The following ADAMTS8 variants were observed in gnomAD, a reference collection of about 807,000 sequenced individuals.
ADAMTS8 encodes A disintegrin and metalloproteinase with thrombospondin motifs 8.
ADAMTS8 carries 50 observed loss-of-function variants against 64.4 expected under a neutral mutation model. That is an observed-to-expected ratio of 0.78 (90% CI 0.62 to 0.98). The LOEUF is 0.98. ADAMTS8 is among the 50% of genes least tolerant of loss of function. The pLI, the probability that ADAMTS8 is intolerant of heterozygous loss-of-function variation, is 0.00. For missense variants in ADAMTS8, 1,192 were observed against 1,208.2 expected, an observed-to-expected ratio of 0.99 and a Z score of 0.20; for synonymous variants, 556 against 533.6, an observed-to-expected ratio of 1.04 and a Z score of -0.58.
intron 1 of ADAMTS8, among the ~76,000 whole-genome samples, chr11:130,425,748 C>T (rs906668266): frequency 1.3e-5 from 2 of 152,028 alleles, no homozygotes; most frequent in African/African-American, 4.8e-5. Flanking sequence ...CTACAGGCGC[C>T]CACCACCACG....
chr11:130,414,441 G>A (rs1053818598), intron 5 of ADAMTS8, 90 bp downstream of exon 5: 3 of 1,436,084 alleles, frequency 2.1e-6, no homozygotes, highest in Non-Finnish European at 2.8e-6. Flanking sequence ...TCTCAAGTGT[G>A]GTTTCCTTCT....
In ADAMTS8 at chr11:130,405,773, T is replaced by C; in HGVS notation, c.2455A>G (p.Ser819Gly). 6.2e-7 allele frequency: 1 copy of C among 1,614,170 alleles called. No homozygotes were observed. The highest frequency in any genetic ancestry group is 8.5e-7 in the Non-Finnish European group (1 of 1,180,042). The stretch of plus-strand genomic sequence containing the variant: ...ATGTTGGTGGTTGCTCTCTCTTTGC[T>C]GCTCTGCATGCTAAAGTCCACGTCA... The part of the protein sequence containing the change: ...PNDVDFSMQS[S>G]KERATTNIIQ... Residue 819 changes from serine to glycine, a missense_variant, in exon 9 of 9, where the codon AGC becomes GGC. Ser to Gly is a moderately conservative substitution (Grantham distance 56). Coordinates refer to ENST00000257359, the MANE Select transcript of ADAMTS8 (RefSeq NM_007037.6).
At chr11:130,427,451 CTTTTT>C (rs36087476) in intron 1 of ADAMTS8, 111 bp downstream of exon 1, 5,779 of 432,710 alleles carry the variant, frequency 0.013, no homozygotes, top group Middle Eastern at 0.025. Context: ...GTGGGGAGGG[CTTTTT>C]TTTTTTTTTT....
At position 130,416,077 on chromosome 11, in the gene ADAMTS8, G is replaced by A; in HGVS notation, c.1264+86C>T. 1 of 1,428,434 alleles carries A rather than the reference G, an allele frequency of 7.0e-7. No homozygotes were observed. Among genetic ancestry groups the A allele is most frequent in the Non-Finnish European group, 9.3e-7 (1 of 1,078,422 alleles). 88.5% of individuals were successfully genotyped at this position (1,428,434 alleles called of 1,614,324 possible). On this transcript the variant is annotated intron_variant, in intron 4 of 8. Coordinates refer to ENST00000257359, the MANE Select transcript of ADAMTS8 (RefSeq NM_007037.6). The surrounding 1 kb of genome is among the most constrained non-coding windows in gnomAD (Gnocchi z 4.8). ...GGACTCAGCTCTAAGGGCCCTGTGA[G>A]GAGGCACAGCTGGAGGGGGTCTCTG... is the stretch of plus-strand genomic sequence containing the variant.
chr11:130,425,103 A>C (rs1232606634), intron 1 of ADAMTS8, among the ~76,000 whole-genome samples: 1 of 151,790 alleles, frequency 6.6e-6, no homozygotes, highest in African/African-American at 2.4e-5. Flanking sequence ...TTTGTGGGGG[A>C]TGGGGAGCGG....
At chr11:130,420,068 C>T (rs1335750716) in intron 1 of ADAMTS8, among the ~76,000 whole-genome samples, 1 of 152,184 alleles carries the variant, frequency 6.6e-6, no homozygotes, top group Admixed American at 6.5e-5. Context: ...CTATTGAAAC[C>T]AGGAGGCCAG....
chr11:130,424,054 C>T (rs565962581), intron 1 of ADAMTS8, among the ~76,000 whole-genome samples: 13 of 152,354 alleles, frequency 8.5e-5, no homozygotes, highest in African/African-American at 1.4e-4. Flanking sequence ...TCAGCCTCCA[C>T]GGCGGTTTCT....
intron 4 of ADAMTS8, among the ~76,000 whole-genome samples, chr11:130,415,496 G>C (rs1239777839): frequency 6.6e-6 from 1 of 151,610 alleles, no homozygotes. Context: ...GTAGAGATGG[G>C]GTTTCACCAT....
Position 130,427,496 on chromosome 11 carries a change from GA to G in ADAMTS8, c.720+70del. On this transcript the variant is annotated intron_variant, in intron 1 of 8. Coordinates refer to ENST00000257359, the MANE Select transcript of ADAMTS8 (RefSeq NM_007037.6). The stretch of plus-strand genomic sequence containing the variant: ...TTTTCTCAGAGGGATTGGAAGGGGA[GA>G]TTTTAGAGACGCTGGGAGGCGTCTG... 9.6e-6 allele frequency: 10 copies of G among 1,038,246 alleles called. No homozygotes were observed. In the South Asian group the frequency reaches 1.5e-4, roughly 16 times the overall value. 64.3% of individuals were successfully genotyped at this position (1,038,246 alleles called of 1,614,324 possible).
At position 130,428,320 on chromosome 11, in the gene ADAMTS8, G is replaced by A. The variant is rs751201703; in HGVS notation, c.-34C>T. Reference sequence around the variant, plus strand: ...CGGCGGTGGCTGCGCGCAGGAGAGGGAAGAAGCCCGCCAGGCGCGGGCAGG... The same window carrying A: ...CGGCGGTGGCTGCGCGCAGGAGAGGAAAGAAGCCCGCCAGGCGCGGGCAGG... On this transcript the variant is annotated 5_prime_UTR_variant, in exon 1 of 9. Transcript: ENST00000257359. The A allele has an allele frequency of 7.9e-7, 1 of 1,259,868 alleles. No individual in the cohort carries two copies. The highest frequency in any genetic ancestry group is 1.0e-6 in the Non-Finnish European group (1 of 994,250). 78.0% of individuals were successfully genotyped at this position (1,259,868 alleles called of 1,614,324 possible).
At chr11:130,419,749 C>T (rs1040909845) in intron 1 of ADAMTS8, among the ~76,000 whole-genome samples, 63 of 152,210 alleles carry the variant, frequency 4.1e-4, no homozygotes, top group Admixed American at 4.6e-4. Context: ...ATCCTGACAC[C>T]GTCTCCTTGC....
intron 8 of ADAMTS8, 122 bp from the exon 9 acceptor site, chr11:130,406,250 T>A: frequency 8.1e-7 from 1 of 1,232,408 alleles, no homozygotes; most frequent in Non-Finnish European, 1.1e-6. Context: ...AGCAAGTAAT[T>A]AAGCAAGTTG....
At chr11:130,406,186 T>C in intron 8 of ADAMTS8, 58 bp from the exon 9 acceptor site, 1 of 1,552,096 alleles carries the variant, frequency 6.4e-7, no homozygotes, top group Non-Finnish European at 8.7e-7. Context: ...CAGGTCACGA[T>C]GATGCCTTGG....
At chr11:130,420,567 G>C (rs1336099930) in intron 1 of ADAMTS8, among the ~76,000 whole-genome samples, 1 of 152,144 alleles carries the variant, frequency 6.6e-6, no homozygotes, top group East Asian at 1.9e-4. Context: ...TGGAAGGTGG[G>C]AGTGGAAGGA....
At chr11:130,417,100 G>C (rs768367535) in intron 2 of ADAMTS8, 25 bp from the exon 3 acceptor site, 21 of 1,613,012 alleles carry the variant, frequency 1.3e-5, no homozygotes, top group Non-Finnish European at 1.7e-5. Context: ...GAGAGCAAGA[G>C]AGTGCATCAG....
At chr11:130,406,179 G>A (rs1437550140) in intron 8 of ADAMTS8, 51 bp from the exon 9 acceptor site, 1 of 1,559,592 alleles carries the variant, frequency 6.4e-7, no homozygotes, top group African/African-American at 1.3e-5. Context: ...CCCAGCCCAG[G>A]TCACGATGAT....
rs746282308 is a variant in ADAMTS8 at position 130,405,527 on chromosome 11, G to C, written c.*31C>G. ...TCTGCACCTCAGTACCGCATGTCCA[G>C]GAGCACAAGACTGGCCCCTGCCCCC... On this transcript the variant is annotated 3_prime_UTR_variant, in exon 9 of 9. Transcript: ENST00000257359. The C allele has an allele frequency of 6.4e-7, 1 of 1,560,440 alleles. No homozygotes were observed. Among genetic ancestry groups the C allele is most frequent in the African/African-American group, 1.4e-5 (1 of 73,590 alleles).
In ADAMTS8 at chr11:130,416,566, C is replaced by T. The variant is rs1407982134; in HGVS notation, c.1097-236G>A. ...GCCCGTCCTGAATTTGGATCTAGCT[C>T]TGTTATTTGCCCTCTCACATGACAG... On this transcript the variant is annotated intron_variant, in intron 3 of 8. Coordinates refer to ENST00000257359, the MANE Select transcript of ADAMTS8 (RefSeq NM_007037.6). This position sits in a 1 kb window ranked among gnomAD's most constrained non-coding sequence, Gnocchi z 4.8. 1.3e-5 allele frequency among the ~76,000 whole-genome samples: 2 copies of T among 152,230 alleles called. No individual in the cohort carries two copies. The highest frequency in any genetic ancestry group is 2.4e-5 in the African/African-American group (1 of 41,456).
chr11:130,420,819 G>A (rs752162178), intron 1 of ADAMTS8, among the ~76,000 whole-genome samples: 2 of 152,162 alleles, frequency 1.3e-5, no homozygotes, highest in Non-Finnish European at 2.9e-5. Context: ...TGCTCCTGGA[G>A]TTGGATTCTG....
Sources: gnomAD v4.1 joint callset for allele counts (sites outside exome capture counted in the v4.1 genomes callset) on GRCh38, gnomAD v4.1.1 for gene constraint, Gnocchi (gnomAD v3.1) non-coding constraint, MANE v1.5 for transcripts, NCBI Gene and HGNC (gene_info 2026-07-23, HGNC 2026-07-21) for gene names.